The following PDE4D variants were observed in gnomAD, a reference collection of about 807,000 sequenced individuals.
PDE4D encodes the protein 3',5'-cyclic-AMP phosphodiesterase 4D.
PDE4D carries 24 observed loss-of-function variants against 87.4 expected under a neutral mutation model. The observed-to-expected ratio is 0.27, with a 90% CI of 0.20 to 0.39. The LOEUF is 0.39. Ranked by LOEUF, PDE4D falls within the 10% of genes least tolerant of loss-of-function variation. The pLI, the probability that PDE4D is intolerant of heterozygous loss-of-function variation, is 1.00. For synonymous variants in PDE4D, 384 were observed against 383.2 expected (o/e 1.00, Z -0.02); for missense variants, 714 against 1,041.0 (o/e 0.69, Z 4.32).
At chr5:59,911,962 A>G (rs543199599) in intron 3 of PDE4D, among the ~76,000 whole-genome samples, 97 of 152,324 alleles carry the variant, frequency 6.4e-4, no homozygotes, top group African/African-American at 2.2e-3. Flanking sequence ...AAAGCCCTAT[A>G]AGACTCACAG....
intron 1 of PDE4D, among the ~76,000 whole-genome samples, chr5:59,743,597 G>T (rs947897325): frequency 5.9e-5 from 9 of 152,030 alleles, no homozygotes; most frequent in African/African-American, 2.2e-4. Flanking sequence ...TTGTAAAATG[G>T]TGCAACCACT....
chr5:59,275,372 A>G, intron 1 of PDE4D: 1 of 1,597,332 alleles, frequency 6.3e-7, no homozygotes, highest in South Asian at 1.1e-5. Context: ...GAACTTGTAG[A>G]TCGGGATCTT....
chr5:59,552,073 T>C (rs1437031472), intron 1 of PDE4D, among the ~76,000 whole-genome samples: 1 of 151,944 alleles, frequency 6.6e-6, no homozygotes, highest in Non-Finnish European at 1.5e-5. Flanking sequence ...TGAAAAACTG[T>C]CCAGGGGTGG....
chr5:60,428,059 G>A (rs569101965), intron 1 of PDE4D, among the ~76,000 whole-genome samples: 1 of 152,236 alleles, frequency 6.6e-6, no homozygotes, highest in Non-Finnish European at 1.5e-5. Context: ...CTGGGTGAGA[G>A]CAAGACCCTG....
At chr5:59,110,567 T>C (rs1772442628) in intron 5 of PDE4D, among the ~76,000 whole-genome samples, 1 of 152,210 alleles carries the variant, frequency 6.6e-6, no homozygotes, top group Non-Finnish European at 1.5e-5. Flanking sequence ...TATTCCTATT[T>C]TACCATTATG....
At chr5:59,551,774 A>G (rs1818164802) in intron 1 of PDE4D, among the ~76,000 whole-genome samples, 1 of 152,162 alleles carries the variant, frequency 6.6e-6, no homozygotes, top group Non-Finnish European at 1.5e-5. Flanking sequence ...AATTGCCTAT[A>G]GTGGAATGAA....
intron 1 of PDE4D, among the ~76,000 whole-genome samples, chr5:59,642,955 T>A (rs187710757): frequency 2.6e-5 from 4 of 151,622 alleles, no homozygotes; most frequent in Non-Finnish European, 5.9e-5. Context: ...AATCTCTACA[T>A]TTTTTTTTCC....
intron 5 of PDE4D, among the ~76,000 whole-genome samples, chr5:59,170,144 A>C (rs1482575291): frequency 6.6e-6 from 1 of 152,098 alleles, no homozygotes; most frequent in Non-Finnish European, 1.5e-5. Flanking sequence ...GATCCTCCTG[A>C]ATAGCTGGGA....
intron 3 of PDE4D, among the ~76,000 whole-genome samples, chr5:59,943,545 C>T (rs1039756946): frequency 6.6e-6 from 1 of 152,202 alleles, no homozygotes; most frequent in African/African-American, 2.4e-5. Context: ...TTTCAATCCT[C>T]AGTACCATTT....
chr5:59,256,767 G>A (rs912620135), intron 1 of PDE4D, among the ~76,000 whole-genome samples: 3 of 151,986 alleles, frequency 2.0e-5, no homozygotes, highest in African/African-American at 7.2e-5. Context: ...ACATATCTGT[G>A]CAGAGAAAAC....
intron 1 of PDE4D, among the ~76,000 whole-genome samples, chr5:59,526,945 C>A (rs1004511559): frequency 5.9e-5 from 9 of 152,088 alleles, no homozygotes; most frequent in Non-Finnish European, 1.3e-4. Flanking sequence ...TCTTACTTGA[C>A]TTTTTTTGTT....
At chr5:60,014,221 T>C (rs1216488697) in intron 2 of PDE4D, among the ~76,000 whole-genome samples, 3 of 152,116 alleles carry the variant, frequency 2.0e-5, no homozygotes, top group Non-Finnish European at 2.9e-5. Context: ...GAAACTTTCT[T>C]GGACCATCCA....
chr5:59,469,402 G>A (rs1294634174), intron 1 of PDE4D, among the ~76,000 whole-genome samples: 1 of 152,094 alleles, frequency 6.6e-6, no homozygotes, highest in African/African-American at 2.4e-5. Flanking sequence ...AAAGAGAAAA[G>A]TAATTTTTGT....
At chr5:60,482,788 C>A (rs1409865971) in intron 1 of PDE4D, among the ~76,000 whole-genome samples, 5 of 152,122 alleles carry the variant, frequency 3.3e-5, no homozygotes, top group African/African-American at 1.2e-4. Flanking sequence ...TGGAATGGTA[C>A]AACTTTATTC....
chr5:59,915,649 A>G (rs1753958017), intron 3 of PDE4D, among the ~76,000 whole-genome samples: 1 of 152,206 alleles, frequency 6.6e-6, no homozygotes, highest in Non-Finnish European at 1.5e-5. Flanking sequence ...TGTCCATTAA[A>G]CATATATGTA....
At chr5:59,036,895 A>G (rs772912753) in intron 6 of PDE4D, among the ~76,000 whole-genome samples, 8 of 152,172 alleles carry the variant, frequency 5.3e-5, no homozygotes, top group Non-Finnish European at 8.8e-5. Flanking sequence ...TACATTTTGA[A>G]AAAATTATCT....
Position 59,326,376 on chromosome 5 carries a change from A to G in PDE4D, c.456-110408T>C, listed in dbSNP as rs569032445. Among the ~76,000 whole-genome samples the G allele has an allele frequency of 1.1e-4, 16 of 152,280 alleles. No individual in the cohort carries two copies. The South Asian group carries it at 3.3e-3, about 32-fold the overall frequency. ...CCATGGTAAAAATACTGCAGCTTTA[A>G]AAATACATTATTATTTTTCCCTCTC... On this transcript the variant is annotated intron_variant, in intron 1 of 14. Transcript: ENST00000340635.
At chr5:60,391,170 G>C (rs1762537308) in intron 1 of PDE4D, among the ~76,000 whole-genome samples, 1 of 152,082 alleles carries the variant, frequency 6.6e-6, no homozygotes, top group Non-Finnish European at 1.5e-5. Flanking sequence ...ACAGTGACTT[G>C]TACCAAGTAG....
intron 5 of PDE4D, chr5:59,166,583 C>CA (rs375218860): frequency 6.6e-5 from 10 of 152,298 alleles, no homozygotes; most frequent in African/African-American, 2.4e-4. Context: ...GCTTATTCCA[C>CA]ACATTGCCAT....
Sources: allele counts gnomAD v4.1 joint callset (sites outside exome capture counted in the v4.1 genomes callset), GRCh38; gene constraint gnomAD v4.1.1; transcripts MANE v1.5; gene names NCBI Gene and HGNC (gene_info 2026-07-23, HGNC 2026-07-21).